The following DMD variants were observed in gnomAD, a reference collection of about 807,000 sequenced individuals.
DMD encodes dystrophin, also known as mutant dystrophin.
Under a neutral mutation model 330.1 loss-of-function variants are expected in DMD, and 63 were observed. The ratio of observed to expected loss-of-function variants is 0.19; its 90% CI spans 0.16 to 0.24. DMD has a LOEUF of 0.24. Among genes scored for constraint, DMD ranks in the 10% least tolerant of loss-of-function variants. The probability of loss-of-function intolerance (pLI) is 1.00; values close to 1 mark genes in which losing one functional copy is unlikely to be tolerated. For synonymous variants in DMD, 1,223 were observed against 959.8 expected, an observed-to-expected ratio of 1.27 and a Z score of -5.07; for missense variants, 3,344 against 2,684.1, an observed-to-expected ratio of 1.25 and a Z score of -5.43.
chrX:31,412,679 C>A (rs935852629), intron 60 of DMD, among the ~76,000 whole-genome samples: 3 of 111,740 alleles, frequency 2.7e-5, no homozygotes, highest in Non-Finnish European at 5.6e-5. Context: ...AGCAGAATAG[C>A]GGAAGGAGGC....
chrX:31,983,800 T>G (rs1404970387), intron 44 of DMD, among the ~76,000 whole-genome samples: 1 of 112,210 alleles, frequency 8.9e-6, no homozygotes, highest in Non-Finnish European at 1.9e-5. Context: ...ATCAGATGAT[T>G]GTTCCATTTG....
At chrX:31,763,613 A>T (rs932205201) in intron 51 of DMD, among the ~76,000 whole-genome samples, 1 of 112,221 alleles carries the variant, frequency 8.9e-6, no homozygotes, top group African/African-American at 3.2e-5. Flanking sequence ...CGACCAGTAC[A>T]TACTGGAATT....
At chrX:32,318,077 A>C (rs2148648098) in intron 41 of DMD, among the ~76,000 whole-genome samples, 1 of 111,393 alleles carries the variant, frequency 9.0e-6, no homozygotes, top group South Asian at 3.7e-4. Context: ...GGCTTTAAGT[A>C]GGTTCTGATG....
At chrX:32,056,767 AT>A (rs2096178923) in intron 44 of DMD, among the ~76,000 whole-genome samples, 1 of 111,480 alleles carries the variant, frequency 9.0e-6, no homozygotes, top group African/African-American at 3.3e-5. Flanking sequence ...TTCCAAGCTC[AT>A]TCTACAAGGG....
At chrX:31,255,159 G>A (rs1311037710) in intron 63 of DMD, among the ~76,000 whole-genome samples, 9 of 111,026 alleles carry the variant, frequency 8.1e-5, no homozygotes, top group Non-Finnish European at 3.8e-5. Context: ...TGAACTTAGG[G>A]ACCTAGACAT....
chrX:31,341,776 GT>G (rs1384386164), intron 61 of DMD, among the ~76,000 whole-genome samples: 4 of 110,888 alleles, frequency 3.6e-5, no homozygotes, highest in African/African-American at 1.3e-4. Context: ...TTCATTATCT[GT>G]AAAATAAGGA....
intron 57 of DMD, among the ~76,000 whole-genome samples, chrX:31,489,460 C>G (rs1603249904): frequency 8.9e-6 from 1 of 112,279 alleles, no homozygotes; most frequent in African/African-American, 3.2e-5. Context: ...CCAAAATAAC[C>G]TCCTCACATA....
intron 49 of DMD, among the ~76,000 whole-genome samples, chrX:31,831,372 C>G (rs770080471): frequency 9.0e-6 from 1 of 111,633 alleles, no homozygotes; most frequent in Non-Finnish European, 1.9e-5. Flanking sequence ...TGTAAGACTG[C>G]AAATATGGAA....
intron 12 of DMD, among the ~76,000 whole-genome samples, chrX:32,600,624 A>AC (rs1280275087): frequency 1.1e-4 from 12 of 107,687 alleles, no homozygotes; most frequent in Admixed American, 1.0e-3. Context: ...ACACACACAC[A>AC]AAACACACCC....
intron 30 of DMD, among the ~76,000 whole-genome samples, chrX:32,400,059 GT>G (rs1234286840): frequency 1.8e-5 from 2 of 111,377 alleles, no homozygotes. Context: ...AATGCTTCCG[GT>G]TTTTGCCCAT....
intron 44 of DMD, among the ~76,000 whole-genome samples, chrX:31,998,630 C>A (rs2095605584): frequency 9.0e-6 from 1 of 111,676 alleles, no homozygotes; most frequent in Non-Finnish European, 1.9e-5. Context: ...CACAGTTCAG[C>A]TTTTCCACTG....
intron 2 of DMD, among the ~76,000 whole-genome samples, chrX:32,957,398 T>A (rs2091655299): frequency 9.0e-6 from 1 of 111,711 alleles, no homozygotes; most frequent in African/African-American, 3.2e-5. Context: ...ATAGTCTACA[T>A]CTACATGGTG....
chrX:32,009,300 A>G (rs751884169), intron 44 of DMD, among the ~76,000 whole-genome samples: 16 of 111,641 alleles, frequency 1.4e-4, no homozygotes, highest in African/African-American at 4.9e-4. Flanking sequence ...TTCCAAGTTC[A>G]TGGCCTTTGA....
intron 55 of DMD, among the ~76,000 whole-genome samples, chrX:31,509,886 T>C (rs1430116697): frequency 8.9e-6 from 1 of 112,335 alleles, no homozygotes; most frequent in Non-Finnish European, 1.9e-5. Context: ...TAAAACCTAG[T>C]GTGCATTTTT....
chrX:32,309,319 C>T (rs2097552088), intron 42 of DMD, among the ~76,000 whole-genome samples: 1 of 111,369 alleles, frequency 9.0e-6, no homozygotes, highest in African/African-American at 3.3e-5. Context: ...TAATCACATA[C>T]TGTTTGCATT....
intron 7 of DMD, among the ~76,000 whole-genome samples, chrX:32,762,611 C>A (rs1211794690): frequency 5.4e-5 from 6 of 111,154 alleles, no homozygotes; most frequent in African/African-American, 1.6e-4. Context: ...GAAGATGAGA[C>A]CTTTCGGCTC....
chrX:31,325,949 G>GT (rs79784755), intron 61 of DMD, among the ~76,000 whole-genome samples: 3,209 of 97,938 alleles, frequency 0.033, 122 homozygotes, highest in African/African-American at 0.11. Flanking sequence ...TACCTTTCTA[G>GT]TTTTTTTTTT....
At chrX:31,216,081 A>AT (rs2045376545) in intron 64 of DMD, among the ~76,000 whole-genome samples, 1 of 112,533 alleles carries the variant, frequency 8.9e-6, no homozygotes, top group Non-Finnish European at 1.9e-5. Context: ...AGAAACTTCT[A>AT]TTAGGAGAAT....
At chrX:32,495,393 G>A (rs1371389932) in intron 19 of DMD, among the ~76,000 whole-genome samples, 2 of 111,636 alleles carry the variant, frequency 1.8e-5, no homozygotes, top group Non-Finnish European at 3.8e-5. Context: ...AATGTACACT[G>A]AAGCCAAAAG....
Sources: gnomAD v4.1 joint callset for allele counts (sites outside exome capture counted in the v4.1 genomes callset) on GRCh38, gnomAD v4.1.1 for gene constraint, MANE v1.5 for transcripts, NCBI Gene and HGNC (gene_info 2026-07-23, HGNC 2026-07-21) for gene names.